Variants in LRRIQ1 observed in about 807,000 individuals in gnomAD.
The protein encoded by LRRIQ1 is leucine rich repeats and IQ motif containing 1.
LRRIQ1 carries 210 observed loss-of-function variants against 211.9 expected under a neutral mutation model. The observed-to-expected ratio is 0.99, with a 90% CI of 0.89 to 1.11. The LOEUF (loss-of-function observed/expected upper bound fraction) is 1.11, where lower values mean the gene tolerates loss of function less well. LRRIQ1 is among the 50% of genes most tolerant of loss of function. The probability of loss-of-function intolerance (pLI) is 0.00; values close to 1 mark genes in which losing one functional copy is unlikely to be tolerated. For missense variants in LRRIQ1, 2,136 were observed against 1,939.5 expected (o/e 1.10, Z -1.90); for synonymous variants, 699 against 650.1 (o/e 1.08, Z -1.14).
chr12:85,182,190 G>A (rs555753180), intron 24 of LRRIQ1, among the ~76,000 whole-genome samples: 22 of 151,894 alleles, frequency 1.4e-4, no homozygotes, highest in South Asian at 1.2e-3. Flanking sequence ...AAGGAAAACC[G>A]TTTCTGTTTT....
intron 26 of LRRIQ1, among the ~76,000 whole-genome samples, 163 bp from the exon 27 acceptor site, chr12:85,244,626 A>G (rs1895630804): frequency 6.6e-6 from 1 of 151,738 alleles, no homozygotes; most frequent in Non-Finnish European, 1.5e-5. Flanking sequence ...ATGCTTTGAC[A>G]TAGTGCATTT....
chr12:85,092,695 A>G (rs1307820382), intron 11 of LRRIQ1, among the ~76,000 whole-genome samples: 2 of 152,200 alleles, frequency 1.3e-5, no homozygotes, highest in African/African-American at 2.4e-5. Context: ...TCTTTGTCAC[A>G]TGGAGACCAA....
chr12:85,181,993 C>T (rs1193574495), intron 24 of LRRIQ1, among the ~76,000 whole-genome samples: 1 of 151,696 alleles, frequency 6.6e-6, no homozygotes, highest in African/African-American at 2.4e-5. Flanking sequence ...TTGAGAAAGC[C>T]TTTCTATTGT....
At chr12:85,089,140 T>A (rs1885124040) in intron 11 of LRRIQ1, among the ~76,000 whole-genome samples, 1 of 152,214 alleles carries the variant, frequency 6.6e-6, no homozygotes, top group Non-Finnish European at 1.5e-5. Flanking sequence ...ATTGAGAGTT[T>A]TTAGCATGAA....
At chr12:85,198,457 C>T (rs1893116870) in intron 24 of LRRIQ1, among the ~76,000 whole-genome samples, 1 of 151,976 alleles carries the variant, frequency 6.6e-6, no homozygotes, top group African/African-American at 2.4e-5. Flanking sequence ...TTCTTCACAA[C>T]CTCACCAGCA....
chr12:85,152,444 A>G, intron 20 of LRRIQ1, 75 bp downstream of exon 20: 5 of 1,076,650 alleles, frequency 4.6e-6, no homozygotes, highest in Non-Finnish European at 6.6e-6. Context: ...GCAGTGATTA[A>G]TAATACAATT....
At chr12:85,121,904 A>C (rs1213024379) in intron 16 of LRRIQ1, 28 bp downstream of exon 16, 8 of 1,477,164 alleles carry the variant, frequency 5.4e-6, no homozygotes, top group Non-Finnish European at 7.3e-6. Flanking sequence ...CCATTGATGT[A>C]TTTAGAATCA....
intron 9 of LRRIQ1, 98 bp downstream of exon 9, chr12:85,065,512 A>G (rs1882341700): frequency 2.0e-6 from 2 of 975,678 alleles, no homozygotes; most frequent in Non-Finnish European, 2.8e-6. Context: ...AACAATTACT[A>G]AACTAACCTG....
intron 11 of LRRIQ1, among the ~76,000 whole-genome samples, chr12:85,090,360 C>T (rs115896536): frequency 2.6e-3 from 395 of 152,246 alleles, no homozygotes; most frequent in African/African-American, 9.0e-3. Context: ...AAGGGTACCA[C>T]GGTCCTCCAG....
chr12:85,205,438 C>T (rs950955991), intron 24 of LRRIQ1, among the ~76,000 whole-genome samples: 1 of 152,168 alleles, frequency 6.6e-6, no homozygotes, highest in Non-Finnish European at 1.5e-5. Flanking sequence ...CCATTGTCTT[C>T]TGGCTTGTAG....
At chr12:85,102,469 A>G (rs1479181186) in intron 13 of LRRIQ1, among the ~76,000 whole-genome samples, 1 of 151,784 alleles carries the variant, frequency 6.6e-6, no homozygotes, top group Non-Finnish European at 1.5e-5. Context: ...GTTTAATATG[A>G]ATGTAATATT....
chr12:85,121,716 T>C lies in LRRIQ1; in HGVS notation c.3397T>C (p.Leu1133=). ...CAATAGGGATTCTCTACTTAAAGTG[T>C]TGCCTGCTCTGAGAATCCTCAATGG... ...TNWRDSLLKV[L]PALRILNGNI... is the part of the protein sequence containing the mutation. Residue 1133 remains leucine (L), a synonymous_variant, in exon 16 of 27, where the codon TTG becomes CTG. Transcript: ENST00000393217. 6.3e-7 allele frequency: 1 copy of C among 1,585,712 alleles called. No homozygotes were observed. The highest frequency in any genetic ancestry group is 8.6e-7 in the Non-Finnish European group (1 of 1,168,286).
At chr12:85,256,812 A>G (rs1896108482) in intron 1 of LRRIQ1, among the ~76,000 whole-genome samples, 6 of 150,924 alleles carry the variant, frequency 4.0e-5, no homozygotes, top group Admixed American at 3.3e-4. Context: ...TAAATAGAAG[A>G]AAGATTTTAA....
At chr12:85,176,234 T>A (rs1367872148) in intron 24 of LRRIQ1, among the ~76,000 whole-genome samples, 1 of 152,064 alleles carries the variant, frequency 6.6e-6, no homozygotes, top group Admixed American at 6.6e-5. Context: ...CCCTTGTAAG[T>A]TGGATTCCTA....
intron 1 of LRRIQ1, among the ~76,000 whole-genome samples, chr12:85,256,974 G>T (rs1896112588): frequency 7.9e-6 from 1 of 127,356 alleles, no homozygotes; most frequent in Non-Finnish European, 1.6e-5. Flanking sequence ...AATTAATTTG[G>T]GAAATATTGG....
At chr12:85,070,213 G>T (rs73180564) in intron 10 of LRRIQ1, among the ~76,000 whole-genome samples, 2 of 151,864 alleles carry the variant, frequency 1.3e-5, no homozygotes, top group South Asian at 2.1e-4. Flanking sequence ...GATTGCATCC[G>T]CAGTCATACA....
chr12:85,122,617 A>G (rs1042124174), intron 16 of LRRIQ1, among the ~76,000 whole-genome samples: 4 of 152,054 alleles, frequency 2.6e-5, no homozygotes, highest in Non-Finnish European at 5.9e-5. Flanking sequence ...AAATTTTCCT[A>G]CTAAATTATA....
chr12:85,054,012 G>T (rs761888550), intron 7 of LRRIQ1, among the ~76,000 whole-genome samples: 32 of 152,226 alleles, frequency 2.1e-4, no homozygotes, highest in Non-Finnish European at 3.5e-4. Flanking sequence ...ACAATGTAAA[G>T]ATATGACTTT....
intron 15 of LRRIQ1, among the ~76,000 whole-genome samples, chr12:85,113,946 T>TGTGTGTGTGA (rs1280650917): frequency 6.8e-6 from 1 of 147,284 alleles, no homozygotes; most frequent in African/African-American, 2.5e-5. Flanking sequence ...TGTGTGTGTG[T>TGTGTGTGTGA]GAAAGGCCAC....
Sources: allele counts gnomAD v4.1 joint callset (sites outside exome capture counted in the v4.1 genomes callset), GRCh38; gene constraint gnomAD v4.1.1; transcripts MANE v1.5; gene names NCBI Gene and HGNC (gene_info 2026-07-23, HGNC 2026-07-21).